Variants in KCNK12 observed in about 807,000 individuals in gnomAD.
KCNK12 encodes the protein potassium channel subfamily K member 12.
KCNK12 carries 6 observed loss-of-function variants against 25.3 expected under a neutral mutation model. The observed-to-expected ratio is 0.24, with a 90% confidence interval of 0.13 to 0.47. The LOEUF (loss-of-function observed/expected upper bound fraction) is 0.47. Ranked by LOEUF, KCNK12 falls within the 20% of genes least tolerant of loss-of-function variation. KCNK12 has a pLI of 0.99. For missense variants in KCNK12, 444 were observed against 661.7 expected (o/e 0.67, Z 3.61); for synonymous variants, 331 against 311.1 (o/e 1.06, Z -0.67).
In KCNK12 at chr2:47,541,918, G is replaced by A. The variant is rs527677766; in HGVS notation, c.392-20110C>T. On this transcript the variant is annotated intron_variant, in intron 1 of 1. Transcript: ENST00000327876. Reference sequence around the variant, plus strand: ...TGGCAGCCGGAAGGAGACTGGGGCCGCCTGTTTGCTTGGCTGCAGAAGCCC... The same window carrying A: ...TGGCAGCCGGAAGGAGACTGGGGCCACCTGTTTGCTTGGCTGCAGAAGCCC... Among the ~76,000 whole-genome samples, 585 of 152,268 alleles carry A rather than the reference G, an allele frequency of 3.8e-3. 4 individuals carry two copies. The highest frequency in any genetic ancestry group is 6.5e-3 in the Non-Finnish European group (445 of 68,014).
intron 1 of KCNK12, among the ~76,000 whole-genome samples, chr2:47,545,828 C>G (rs1483660166): frequency 1.3e-5 from 2 of 151,536 alleles, no homozygotes; most frequent in African/African-American, 4.9e-5. Flanking sequence ...CAGCAAGGAA[C>G]AGAATTTCTA....
At chr2:47,564,678 A>T in intron 1 of KCNK12, 1 of 178,632 alleles carries the variant, frequency 5.6e-6, no homozygotes. Context: ...CAGTGGTATC[A>T]TGAATGACTT....
rs1668352369 is a variant in KCNK12, at chr2:47,509,634, G to T, written c.*11273C>A. Among the ~76,000 whole-genome samples, 1 of 152,248 alleles carries T rather than the reference G, an allele frequency of 6.6e-6. No individual in the cohort carries two copies. The highest frequency in any genetic ancestry group is 1.5e-5 in the Non-Finnish European group (1 of 68,038). On this transcript the variant is annotated 3_prime_UTR_variant, in exon 2 of 2. Coordinates refer to ENST00000327876, the MANE Select transcript of KCNK12 (RefSeq NM_022055.2). The stretch of plus-strand genomic sequence containing the variant: ...AGTCACGATTCTGTCACCCAGTCAG[G>T]TCATCAGTGTCAGAGAGCTAGGTGG...
chr2:47,563,081 C>A (rs116122758), intron 1 of KCNK12: 94 of 233,396 alleles, frequency 4.0e-4, no homozygotes, highest in African/African-American at 2.0e-3. Flanking sequence ...GGCAGCCAAA[C>A]AAGGCATGGG....
chr2:47,528,680 C>T lies in KCNK12; in HGVS notation c.392-6872G>A, dbSNP rs1196584549. 6.6e-6 allele frequency among the ~76,000 whole-genome samples: 1 copy of T among 152,224 alleles called. No individual in the cohort carries two copies. The highest frequency in any genetic ancestry group is 1.5e-5 in the Non-Finnish European group (1 of 68,046). On this transcript the variant is annotated intron_variant, in intron 1 of 1. Transcript: ENST00000327876. The surrounding 1 kb of genome is among the most constrained non-coding windows in gnomAD (Gnocchi z 4.5). ...TTTTGTTTATGCCACAATTGATCTG[C>T]CATCCCAGTTTGCAAAGAGCAGACA...
intron 1 of KCNK12, among the ~76,000 whole-genome samples, chr2:47,542,339 G>A (rs2104818243): frequency 6.6e-6 from 1 of 152,338 alleles, no homozygotes; most frequent in Middle Eastern, 3.4e-3. Context: ...CCAGGGACTG[G>A]AGCCTTCGCA....
intron 1 of KCNK12, among the ~76,000 whole-genome samples, chr2:47,524,836 G>A (rs1668735121): frequency 6.6e-6 from 1 of 152,176 alleles, no homozygotes; most frequent in African/African-American, 2.4e-5. Context: ...ATAGGTGAGG[G>A]AGTAGGGGCT....
In KCNK12 at chr2:47,557,957, G is replaced by A. The variant is rs915314378; in HGVS notation, c.391+11984C>T. Among the ~76,000 whole-genome samples the A allele has an allele frequency of 6.6e-6, 1 of 152,190 alleles. No homozygotes were observed. The highest frequency in any genetic ancestry group is 1.5e-5 in the Non-Finnish European group (1 of 68,032). On this transcript the variant is annotated intron_variant, in intron 1 of 1. Coordinates refer to ENST00000327876, the MANE Select transcript of KCNK12 (RefSeq NM_022055.2). This position sits in a 1 kb window ranked among gnomAD's most constrained non-coding sequence, Gnocchi z 4.9. ...TCTCTCTTTAAATATAATGGGGTAT[G>A]TTGCTGCTTACAGGAGCTTTGGAAT...
At chr2:47,524,535 T>C (rs192282660) in intron 1 of KCNK12, among the ~76,000 whole-genome samples, 2 of 152,122 alleles carry the variant, frequency 1.3e-5, no homozygotes, top group African/African-American at 4.8e-5. Flanking sequence ...GATGCATGCA[T>C]GGTTGGTAAA....
Position 47,521,500 on chromosome 2 carries a change from T to A in KCNK12, c.700A>T (p.Met234Leu). The change falls in exon 2 of 2, where the codon ATG becomes TTG. Residue 234 changes from methionine (M) to leucine (L), a missense_variant. Coordinates refer to ENST00000327876, the MANE Select transcript of KCNK12 (RefSeq NM_022055.2). ...TCCCAGCCCTCCACGCTGGTGTACA[T>A]GGCCGAGGCGCAGCAGGACAGCAGC... ...AVLLSCCASAMYTSVEGWDYV... is the reference protein window; with the variant it reads ...AVLLSCCASALYTSVEGWDYV... The A allele has an allele frequency of 1.9e-6, 3 of 1,598,052 alleles. No homozygotes were observed. Among genetic ancestry groups the A allele is most frequent in the Non-Finnish European group, 2.6e-6 (3 of 1,172,482 alleles).
At chr2:47,542,464 G>A (rs1669221692) in intron 1 of KCNK12, among the ~76,000 whole-genome samples, 1 of 152,202 alleles carries the variant, frequency 6.6e-6, no homozygotes, top group Non-Finnish European at 1.5e-5. Flanking sequence ...GTCTACCCAT[G>A]CCTTGATAAA....
intron 1 of KCNK12, among the ~76,000 whole-genome samples, chr2:47,561,263 T>C (rs1669663843): frequency 6.6e-6 from 1 of 152,160 alleles, no homozygotes; most frequent in Non-Finnish European, 1.5e-5. Context: ...GCACTGGATG[T>C]CACTGGTCTA....
At chr2:47,521,904 T>G in intron 1 of KCNK12, 96 bp from the exon 2 acceptor site, 8 of 1,030,090 alleles carry the variant, frequency 7.8e-6, no homozygotes, top group Non-Finnish European at 9.5e-6. Context: ...ATGCAGGTGC[T>G]TGCGCGGCTC....
Position 47,510,119 on chromosome 2 carries a change from G to A in KCNK12, c.*10788C>T, listed in dbSNP as rs1413497395. On this transcript the variant is annotated 3_prime_UTR_variant, in exon 2 of 2. Transcript: ENST00000327876. ...GGAGGTCTAGGAAAAGTCCTGTTGG[G>A]AGAGAGCATTTTTTACCTTCTCCCT... 1.3e-5 allele frequency: 2 copies of A among 152,210 alleles called. No individual in the cohort carries two copies. Among genetic ancestry groups the A allele is most frequent in the African/African-American group, 4.8e-5 (2 of 41,450 alleles). The allele number at this position is 152,210 out of a possible 1,614,324, so 9.4% of individuals were successfully genotyped here.
chr2:47,511,938 A>G lies in KCNK12; in HGVS notation c.*8969T>C, dbSNP rs1452257665. ...AGTTTAAATTCACTTACATTTAAATAGCTGTGTGTGGCTTGTGGCTGCCTA... is the reference window on the plus strand; with the variant it reads ...AGTTTAAATTCACTTACATTTAAATGGCTGTGTGTGGCTTGTGGCTGCCTA... On this transcript the variant is annotated 3_prime_UTR_variant, in exon 2 of 2. Coordinates refer to ENST00000327876, the MANE Select transcript of KCNK12 (RefSeq NM_022055.2). This position sits in a 1 kb window ranked among gnomAD's most constrained non-coding sequence, Gnocchi z 4.3. Among the ~76,000 whole-genome samples the G allele has an allele frequency of 6.6e-6, 1 of 152,228 alleles. No homozygotes were observed. The highest frequency in any genetic ancestry group is 1.5e-5 in the Non-Finnish European group (1 of 68,036).
rs780978603 is a variant in KCNK12, at chr2:47,570,266, G to A, written c.66C>T (p.Cys22=). The A allele has an allele frequency of 7.0e-7, 1 of 1,423,942 alleles. No individual in the cohort carries two copies. The allele number at this position is 1,423,942 out of a possible 1,614,324, so 88.2% of individuals were successfully genotyped here. The part of the protein sequence containing the change: ...RSRRRLPRPS[C]CCCCCRRSHL... ...GCGAACGGCGGCAGCAGCAGCAGCA[G>A]CAGGAGGGGCGCGGCAGGCGGCGGC... Residue 22 remains cysteine (C), a synonymous_variant, in exon 1 of 2, where the codon TGC becomes TGT. Transcript: ENST00000327876.
intron 1 of KCNK12, chr2:47,534,775 C>T (rs904290906): frequency 5.6e-6 from 1 of 177,772 alleles, no homozygotes; most frequent in Admixed American, 6.4e-5. Context: ...AGAAGGGAGA[C>T]AGACCAGCCA....
At chr2:47,563,887 A>G (rs1349097925) in intron 1 of KCNK12, 1 of 232,280 alleles carries the variant, frequency 4.3e-6, no homozygotes, top group Non-Finnish European at 8.5e-6. Flanking sequence ...CTGAGTGGAA[A>G]TATGTTCTCT....
At chr2:47,567,761 C>T (rs1669812636) in intron 1 of KCNK12, among the ~76,000 whole-genome samples, 2 of 152,216 alleles carry the variant, frequency 1.3e-5, no homozygotes, top group African/African-American at 4.8e-5. Context: ...CCACATGCTT[C>T]AGTGTAGCCC....
Sources: gnomAD v4.1 joint callset for allele counts (sites outside exome capture counted in the v4.1 genomes callset) on GRCh38, gnomAD v4.1.1 for gene constraint, Gnocchi (gnomAD v3.1) non-coding constraint, MANE v1.5 for transcripts, NCBI Gene and HGNC (gene_info 2026-07-23, HGNC 2026-07-21) for gene names.